Variants in RNF213 observed in about 807,000 individuals in gnomAD.
RNF213 encodes E3 ubiquitin-protein ligase RNF213.
Under a neutral mutation model 514.4 loss-of-function variants are expected in RNF213, and 341 were observed. That is an observed-to-expected ratio of 0.66 (90% confidence interval 0.61 to 0.73). The LOEUF is 0.73. RNF213 is among the 30% of genes least tolerant of loss of function. The pLI, the probability that RNF213 is intolerant of heterozygous loss-of-function variation, is 0.00. For synonymous variants in RNF213, 2,655 were observed against 2,658.2 expected, an observed-to-expected ratio of 1.00 and a Z score of 0.04; for missense variants, 5,767 against 6,615.6, an observed-to-expected ratio of 0.87 and a Z score of 4.45.
At position 80,328,478 on chromosome 17, in the gene RNF213, G is replaced by A. The variant is rs1347613256; in HGVS notation, c.3517+1G>A. 6.5e-7 allele frequency: 1 copy of A among 1,537,254 alleles called. No individual in the cohort carries two copies. The highest frequency in any genetic ancestry group is 2.0e-5 in the Admixed American group (1 of 51,000). ...GGGAACGTGAAACATCTGATACAAGGTGGTATTCCTGAGAAGTGAACAAAG... is the reference window on the plus strand; with the variant it reads ...GGGAACGTGAAACATCTGATACAAGATGGTATTCCTGAGAAGTGAACAAAG... On this transcript the variant is annotated splice_donor_variant, in intron 20 of 67. Coordinates refer to ENST00000582970, the MANE Select transcript of RNF213 (RefSeq NM_001256071.3). LOFTEE classifies it high-confidence loss of function.
chr17:80,269,825 T>C (rs998378258), intron 2 of RNF213, among the ~76,000 whole-genome samples: 1 of 152,248 alleles, frequency 6.6e-6, no homozygotes, highest in African/African-American at 2.4e-5. Context: ...TATTCTATAG[T>C]TCTGCTCTCT....
At chr17:80,364,948 A>G in intron 42 of RNF213, 1 of 309,070 alleles carries the variant, frequency 3.2e-6, no homozygotes, top group Non-Finnish European at 6.4e-6. Context: ...ATGTCAGAGA[A>G]TGCCACCGGG....
At chr17:80,360,425 G>A (rs2079012296) in intron 38 of RNF213, 6 of 584,452 alleles carry the variant, frequency 1.0e-5, no homozygotes, top group African/African-American at 5.6e-5. Context: ...GAAACCTTTC[G>A]ATCCTATGGC....
chr17:80,355,577 T>G (rs1599107324), intron 36 of RNF213, among the ~76,000 whole-genome samples: 2 of 52,522 alleles, frequency 3.8e-5, no homozygotes, highest in Non-Finnish European at 3.8e-5. Flanking sequence ...AGAAGCGGGG[T>G]GAGTGGGAAT....
At chr17:80,301,860 G>A (rs1401320756) in intron 11 of RNF213, among the ~76,000 whole-genome samples, 2 of 152,180 alleles carry the variant, frequency 1.3e-5, no homozygotes, top group South Asian at 2.1e-4. Context: ...ACACTCAATA[G>A]CCATAATATG....
At chr17:80,290,825 T>C (rs2044696575) in intron 7 of RNF213, 97 bp downstream of exon 7, 1 of 1,385,250 alleles carries the variant, frequency 7.2e-7, no homozygotes, top group Non-Finnish European at 1.0e-6. Context: ...TTTTTTTTTT[T>C]CTGAGACGGA....
intron 36 of RNF213, among the ~76,000 whole-genome samples, chr17:80,357,637 G>C (rs1323080371): frequency 6.6e-6 from 1 of 152,118 alleles, no homozygotes; most frequent in Non-Finnish European, 1.5e-5. Flanking sequence ...TCGATGACTT[G>C]TTCTGAAAAA....
At chr17:80,393,181 AT>A (rs1568178678) in intron 67 of RNF213, among the ~76,000 whole-genome samples, 163 bp from the exon 68 acceptor site, 1 of 151,754 alleles carries the variant, frequency 6.6e-6, no homozygotes, top group South Asian at 2.1e-4. Context: ...GGGTTTCGCC[AT>A]GTTGCCCAGG....
In RNF213 at chr17:80,337,586, T is replaced by G; in HGVS notation, c.4528T>G (p.Cys1510Gly). Residue 1510 changes from cysteine (C) to glycine (G), a missense_variant and splice_region_variant, in exon 24 of 68, where the codon TGT (cysteine) becomes GGT (glycine). Cys to Gly is a radical substitution (Grantham distance 159). Transcript: ENST00000582970. ...DKDQYLPRKL[C>G]DSARNLEWLK... ...GTGTTCTCTCCTTTTGTCCCCATAG[T>G]GTGACTCCGCCAGGAACTTGGAATG... The G allele has an allele frequency of 6.5e-7, 1 of 1,537,274 alleles. No homozygotes were observed. The highest frequency in any genetic ancestry group is 1.2e-5 in the South Asian group (1 of 84,066).
intron 46 of RNF213, among the ~76,000 whole-genome samples, chr17:80,370,443 C>A (rs2079470737): frequency 6.6e-6 from 1 of 152,100 alleles, no homozygotes; most frequent in African/African-American, 2.4e-5. Context: ...ATAAATTTGC[C>A]CTTTTTTAAA....
Position 80,288,756 on chromosome 17 carries a change from G to A in RNF213, c.933+1G>A. 6.2e-7 allele frequency: 1 copy of A among 1,614,126 alleles called. No individual in the cohort carries two copies. Among genetic ancestry groups the A allele is most frequent in the Non-Finnish European group, 8.5e-7 (1 of 1,180,046 alleles). On this transcript the variant is annotated splice_donor_variant, in intron 5 of 67. Transcript: ENST00000582970. LOFTEE classifies it high-confidence loss of function. This position sits in a 1 kb window ranked among gnomAD's most constrained non-coding sequence, Gnocchi z 4.9. ...TCCTCCTTTCAAAACACACTGCCAG[G>A]TGCGTCTCCTTCCTGCCTGCCGGCT...
At chr17:80,340,609 GTTTTTTTTTTTTTTTT>G (rs747785477) in intron 26 of RNF213, 2 of 130,096 alleles carry the variant, frequency 1.5e-5, no homozygotes, top group Non-Finnish European at 2.7e-5. Context: ...GTACTTTGTG[GTTTTTTTTTTTTTTTT>G]TTTTTTTTTT....
chr17:80,336,609 A>C (rs775108381), intron 23 of RNF213: 2 of 573,070 alleles, frequency 3.5e-6, no homozygotes, highest in Non-Finnish European at 6.4e-6. Flanking sequence ...TGCAAAACAC[A>C]CGTGGAAAAA....
intron 3 of RNF213, among the ~76,000 whole-genome samples, chr17:80,287,015 A>T (rs1568012737): frequency 1.3e-5 from 2 of 152,254 alleles, no homozygotes; most frequent in East Asian, 3.9e-4. Context: ...TTATGTACGA[A>T]ATATTTTTAT....
At chr17:80,297,474 C>T (rs1031440259) in intron 10 of RNF213, among the ~76,000 whole-genome samples, 1 of 148,928 alleles carries the variant, frequency 6.7e-6, no homozygotes, top group Admixed American at 6.8e-5. Context: ...GTTGTTTTGG[C>T]CGGGCATTAT....
In RNF213 at chr17:80,348,252, C is replaced by A. The variant is rs147152819; in HGVS notation, c.9917C>A (p.Thr3306Lys). 7 of 1,613,770 alleles carry A rather than the reference C, an allele frequency of 4.3e-6. No homozygotes were observed. In the African/African-American group the frequency reaches 9.3e-5, roughly 22 times the overall value. ...FADFLQAHLH[T>K]ADLERHAIFT... ...GATTTCCTTCAGGCACACCTGCACA[C>A]GGCAGACCTGGAGCGCCACGCCATC... Residue 3306 changes from threonine to lysine, a missense_variant, in exon 29 of 68, where the codon ACG becomes AAG. By Grantham distance (78) the Thr-to-Lys change is moderately conservative. Transcript: ENST00000582970.
At chr17:80,292,730 A>T (rs923452118) in intron 8 of RNF213, among the ~76,000 whole-genome samples, 6 of 150,918 alleles carry the variant, frequency 4.0e-5, no homozygotes, top group African/African-American at 1.5e-4. Context: ...TCAAGACTTG[A>T]CTGTGTTGAT....
chr17:80,283,048 A>AG (rs1174548851), intron 3 of RNF213, among the ~76,000 whole-genome samples: 2 of 152,148 alleles, frequency 1.3e-5, no homozygotes, highest in South Asian at 4.1e-4. Flanking sequence ...TAGAAAATGT[A>AG]GGGGGATATT....
chr17:80,331,501 G>C (rs1310336226), intron 20 of RNF213, among the ~76,000 whole-genome samples: 2 of 150,844 alleles, frequency 1.3e-5, no homozygotes, highest in Admixed American at 1.3e-4. Flanking sequence ...TGATTCTCCT[G>C]CCTCAGCCTC....
Sources: gnomAD v4.1 joint callset for allele counts (sites outside exome capture counted in the v4.1 genomes callset) on GRCh38, gnomAD v4.1.1 for gene constraint, Gnocchi (gnomAD v3.1) non-coding constraint, MANE v1.5 for transcripts, NCBI Gene and HGNC (gene_info 2026-07-23, HGNC 2026-07-21) for gene names.